The following ABI3BP variants were observed in gnomAD, a reference collection of about 807,000 sequenced individuals.
The protein encoded by ABI3BP is target of Nesh-SH3.
ABI3BP carries 216 observed loss-of-function variants against 268.6 expected under a neutral mutation model. The observed-to-expected ratio is 0.80, with a 90% CI of 0.72 to 0.90. The LOEUF is 0.90. Ranked by LOEUF, ABI3BP falls within the 40% of genes least tolerant of loss-of-function variation. The pLI, the probability that ABI3BP is intolerant of heterozygous loss-of-function variation, is 0.00. For synonymous variants in ABI3BP, 730 were observed against 730.0 expected (o/e 1.00, Z 0.00); for missense variants, 2,090 against 2,182.4 (o/e 0.96, Z 0.84).
chr3:100,887,129 A>G (rs1430350210), intron 4 of ABI3BP, among the ~76,000 whole-genome samples: 2 of 152,088 alleles, frequency 1.3e-5, no homozygotes, highest in Non-Finnish European at 2.9e-5. Flanking sequence ...GCCCAATATC[A>G]CCCAGCTACT....
intron 1 of ABI3BP, among the ~76,000 whole-genome samples, chr3:100,992,417 C>T (rs924284310): frequency 1.3e-5 from 2 of 152,326 alleles, no homozygotes; most frequent in African/African-American, 2.4e-5. Context: ...GCCTGCAGCT[C>T]TGCATTACTT....
intron 5 of ABI3BP, 114 bp downstream of exon 5, chr3:100,886,028 A>G (rs2041849492): frequency 2.7e-6 from 2 of 735,598 alleles, no homozygotes; most frequent in South Asian, 3.0e-5. Flanking sequence ...CATAAATACT[A>G]GACCTTAGGA....
At chr3:100,776,544 C>T (rs1377438678) in intron 59 of ABI3BP, among the ~76,000 whole-genome samples, 1 of 152,142 alleles carries the variant, frequency 6.6e-6, no homozygotes, top group African/African-American at 2.4e-5. Context: ...AGACTGTGTT[C>T]ACAGACACAT....
rs2095251330 is a variant in ABI3BP, at chr3:100,750,516, A to T, written c.5340T>A (p.Thr1780=). Residue 1780 remains threonine (T), a synonymous_variant, in exon 68 of 68, where the codon ACT becomes ACA. Coordinates refer to ENST00000471714, the MANE Select transcript of ABI3BP (RefSeq NM_001375547.2). ...INYVQWYECG[T]TIPGKW is the part of the protein sequence containing the mutation. ...GCATCTACCATTTTCCAGGAATTGTAGTCCCACATTCATACCACTGAACAT... is the reference window on the plus strand; with the variant it reads ...GCATCTACCATTTTCCAGGAATTGTTGTCCCACATTCATACCACTGAACAT... The T allele has an allele frequency of 1.2e-6, 2 of 1,612,290 alleles. No homozygotes were observed. The highest frequency in any genetic ancestry group is 1.7e-6 in the Non-Finnish European group (2 of 1,179,006).
intron 45 of ABI3BP, 25 bp downstream of exon 45, chr3:100,813,636 C>G: frequency 1.3e-6 from 2 of 1,514,712 alleles, no homozygotes; most frequent in Non-Finnish European, 1.8e-6. Flanking sequence ...ACAGTATACC[C>G]AGACAGATAA....
intron 24 of ABI3BP, among the ~76,000 whole-genome samples, chr3:100,838,892 C>G (rs146791320): frequency 1.3e-5 from 2 of 152,042 alleles, no homozygotes; most frequent in African/African-American, 2.4e-5. Context: ...ACATGGCTGC[C>G]GATGTCTGGG....
intron 4 of ABI3BP, among the ~76,000 whole-genome samples, chr3:100,893,347 T>A (rs2045677240): frequency 6.6e-6 from 1 of 152,154 alleles, no homozygotes; most frequent in South Asian, 2.1e-4. Context: ...AACCTCAACT[T>A]GTGATTCTGT....
intron 2 of ABI3BP, among the ~76,000 whole-genome samples, chr3:100,924,558 C>T (rs1054535810): frequency 6.6e-6 from 1 of 152,122 alleles, no homozygotes; most frequent in Non-Finnish European, 1.5e-5. Context: ...GATATATATT[C>T]AAGCTGCATG....
At chr3:100,867,040 A>C in intron 9 of ABI3BP, 84 bp from the exon 10 acceptor site, 1 of 1,019,260 alleles carries the variant, frequency 9.8e-7, no homozygotes, top group Non-Finnish European at 1.5e-6. Flanking sequence ...TAGCAGACTA[A>C]AAATCTAATC....
At chr3:100,785,930 T>C (rs34281646) in intron 57 of ABI3BP, among the ~76,000 whole-genome samples, 44,773 of 152,130 alleles carry the variant, frequency 0.29, 7,173 homozygotes, top group East Asian at 0.64. Context: ...TTCTGTTACA[T>C]GGTGAATTAC....
chr3:100,811,152 A>C, intron 48 of ABI3BP, 78 bp downstream of exon 48: 9 of 1,215,568 alleles, frequency 7.4e-6, no homozygotes, highest in Non-Finnish European at 1.0e-5. Flanking sequence ...ATTCACAATG[A>C]GAGAGACCCA....
At chr3:100,861,279 T>C (rs1410936937) in intron 14 of ABI3BP, among the ~76,000 whole-genome samples, 1 of 152,168 alleles carries the variant, frequency 6.6e-6, no homozygotes, top group Non-Finnish European at 1.5e-5. Context: ...CTGAGCCCAT[T>C]ACATATACTA....
At chr3:100,921,779 TAATA>T (rs1002477051) in intron 2 of ABI3BP, among the ~76,000 whole-genome samples, 5 of 152,176 alleles carry the variant, frequency 3.3e-5, no homozygotes, top group Non-Finnish European at 7.4e-5. Context: ...TGTCAATACT[TAATA>T]AATAGAAAGA....
chr3:100,976,850 A>G (rs911491239), intron 1 of ABI3BP, among the ~76,000 whole-genome samples: 1 of 152,182 alleles, frequency 6.6e-6, no homozygotes, highest in African/African-American at 2.4e-5. Context: ...ACTCTTCTAA[A>G]TGATAGCAGG....
At chr3:100,875,051 AT>A in intron 8 of ABI3BP, 118 bp from the exon 9 acceptor site, 1 of 551,678 alleles carries the variant, frequency 1.8e-6, no homozygotes, top group Non-Finnish European at 3.2e-6. Flanking sequence ...TGCTTAGTAA[AT>A]TTTAACCCAA....
At chr3:100,802,201 C>T (rs555828458) in intron 51 of ABI3BP, among the ~76,000 whole-genome samples, 2 of 152,124 alleles carry the variant, frequency 1.3e-5, no homozygotes, top group Non-Finnish European at 2.9e-5. Flanking sequence ...AGTGTGACTA[C>T]ACATAAGAAT....
intron 19 of ABI3BP, among the ~76,000 whole-genome samples, chr3:100,847,148 A>G (rs1475346080): frequency 6.6e-6 from 1 of 152,202 alleles, no homozygotes; most frequent in Non-Finnish European, 1.5e-5. Flanking sequence ...ACATTTTAAT[A>G]AGAAAAAAAC....
chr3:100,792,841 C>A, intron 54 of ABI3BP, 73 bp from the exon 55 acceptor site: 3 of 1,246,824 alleles, frequency 2.4e-6, no homozygotes, highest in South Asian at 2.5e-5. Flanking sequence ...AACCCATACT[C>A]TTTTCTGTCC....
intron 1 of ABI3BP, among the ~76,000 whole-genome samples, chr3:100,956,252 C>T (rs1189190822): frequency 7.9e-6 from 1 of 126,896 alleles, no homozygotes; most frequent in Non-Finnish European, 1.8e-5. Flanking sequence ...CACACACACA[C>T]ACACACACAT....
Sources: gnomAD v4.1 joint callset for allele counts (sites outside exome capture counted in the v4.1 genomes callset) on GRCh38, gnomAD v4.1.1 for gene constraint, MANE v1.5 for transcripts, NCBI Gene and HGNC (gene_info 2026-07-23, HGNC 2026-07-21) for gene names.